The following GRIK4 variants were observed in gnomAD, a reference collection of about 807,000 sequenced individuals.
The protein encoded by GRIK4 is glutamate receptor ionotropic, kainate 4.
In GRIK4, 40 loss-of-function variants were observed where a neutral mutation model predicts 104.9. That is an observed-to-expected ratio of 0.38 (90% CI 0.30 to 0.50). The LOEUF is 0.50. Ranked by LOEUF, GRIK4 falls within the 20% of genes least tolerant of loss-of-function variation. GRIK4 has a pLI of 0.93. For synonymous variants in GRIK4, 485 were observed against 524.9 expected, an observed-to-expected ratio of 0.92 and a Z score of 1.04; for missense variants, 1,047 against 1,308.1, an observed-to-expected ratio of 0.80 and a Z score of 3.08.
At chr11:120,726,038 G>A (rs1418394080) in intron 3 of GRIK4, among the ~76,000 whole-genome samples, 4 of 152,212 alleles carry the variant, frequency 2.6e-5, no homozygotes, top group Non-Finnish European at 5.9e-5. Flanking sequence ...TATACCTAAT[G>A]GTGAGAAAGA....
chr11:120,531,582 C>CTT (rs58143284), intron 1 of GRIK4, among the ~76,000 whole-genome samples: 2,806 of 146,870 alleles, frequency 0.019, 81 homozygotes, highest in African/African-American at 0.065. Flanking sequence ...TTTTCTTTTT[C>CTT]TTTTTTTTTT....
At chr11:120,777,753 A>T (rs961108827) in intron 3 of GRIK4, among the ~76,000 whole-genome samples, 3 of 152,184 alleles carry the variant, frequency 2.0e-5, no homozygotes, top group African/African-American at 4.8e-5. Context: ...CCTGGCCAAC[A>T]TGGTGAAACC....
chr11:120,593,358 C>T (rs1285617570), intron 1 of GRIK4, among the ~76,000 whole-genome samples: 1 of 152,140 alleles, frequency 6.6e-6, no homozygotes, highest in Non-Finnish European at 1.5e-5. Flanking sequence ...CACTCAACAG[C>T]TTGGGGAGGT....
At chr11:120,889,463 A>G (rs897352243) in intron 11 of GRIK4, among the ~76,000 whole-genome samples, 38 of 152,114 alleles carry the variant, frequency 2.5e-4, no homozygotes, top group South Asian at 4.2e-4. Flanking sequence ...CTTTCCTAGT[A>G]AGAACTTCAA....
intron 3 of GRIK4, among the ~76,000 whole-genome samples, chr11:120,755,223 G>T (rs1381072627): frequency 1.3e-5 from 2 of 152,176 alleles, no homozygotes; most frequent in African/African-American, 4.8e-5. Context: ...AGTGTGTGGT[G>T]AGGAGAACAC....
chr11:120,981,660 A>G (rs1389352568), intron 19 of GRIK4, among the ~76,000 whole-genome samples: 1 of 152,244 alleles, frequency 6.6e-6, no homozygotes, highest in Non-Finnish European at 1.5e-5. Flanking sequence ...TTTTCTATCC[A>G]TGGTTTGGTC....
At chr11:120,753,321 G>GTATGTGTA (rs879665407) in intron 3 of GRIK4, among the ~76,000 whole-genome samples, 4 of 112,320 alleles carry the variant, frequency 3.6e-5, no homozygotes, top group African/African-American at 2.2e-4. Flanking sequence ...GTGTGTGTGT[G>GTATGTGTA]TGTGTGTGTG....
intron 3 of GRIK4, among the ~76,000 whole-genome samples, chr11:120,683,913 G>A (rs1031305327): frequency 2.0e-5 from 3 of 152,236 alleles, no homozygotes; most frequent in Non-Finnish European, 2.9e-5. Flanking sequence ...GCTAGAAAAC[G>A]TTATCCCTAG....
At chr11:120,798,995 G>A (rs1316851965) in intron 3 of GRIK4, among the ~76,000 whole-genome samples, 5 of 152,246 alleles carry the variant, frequency 3.3e-5, no homozygotes, top group African/African-American at 7.2e-5. Flanking sequence ...TGCTGGCTCC[G>A]GAGCAGACCC....
intron 14 of GRIK4, among the ~76,000 whole-genome samples, chr11:120,943,146 ACACACCCC>A (rs1283719782): frequency 0.038 from 4,823 of 125,408 alleles, 327 homozygotes; most frequent in African/African-American, 0.17. Context: ...ACACACACAC[ACACACCCC>A]CCTGACTGTT....
intron 3 of GRIK4, among the ~76,000 whole-genome samples, chr11:120,766,742 G>A (rs1202533205): frequency 6.6e-6 from 1 of 151,722 alleles, no homozygotes; most frequent in Non-Finnish European, 1.5e-5. Flanking sequence ...TGGGTGAGAC[G>A]ACACCCCACC....
intron 3 of GRIK4, among the ~76,000 whole-genome samples, chr11:120,747,506 A>C (rs116615560): frequency 6.6e-6 from 1 of 152,210 alleles, no homozygotes; most frequent in Non-Finnish European, 1.5e-5. Context: ...GGATTACCCT[A>C]GATGTAAAGT....
At chr11:120,892,393 G>A (rs1844136084) in intron 11 of GRIK4, among the ~76,000 whole-genome samples, 1 of 152,158 alleles carries the variant, frequency 6.6e-6, no homozygotes, top group Admixed American at 6.5e-5. Flanking sequence ...AGTGACGACT[G>A]GCTGCTGCTG....
chr11:120,641,195 T>C (rs1387791280), intron 1 of GRIK4, among the ~76,000 whole-genome samples: 1 of 152,246 alleles, frequency 6.6e-6, no homozygotes, highest in Non-Finnish European at 1.5e-5. Flanking sequence ...CTGTATTGTA[T>C]TTGAAGACTG....
intron 8 of GRIK4, among the ~76,000 whole-genome samples, chr11:120,844,466 C>G (rs375208060): frequency 4.7e-4 from 72 of 152,308 alleles, no homozygotes; most frequent in African/African-American, 1.7e-3. Flanking sequence ...GATCCAGTGG[C>G]CTCCTACATA....
chr11:120,614,220 G>T (rs1463798713), intron 1 of GRIK4, among the ~76,000 whole-genome samples: 2 of 152,238 alleles, frequency 1.3e-5, no homozygotes, highest in Non-Finnish European at 2.9e-5. Context: ...TATGTGGTTG[G>T]TGGTCCTGGG....
At position 120,956,459 on chromosome 11, in the gene GRIK4, C is replaced by G. The variant is rs1944152830; in HGVS notation, c.1701-321C>G. ...GACTCAAGCAATCCACCCGCCTCGG[C>G]CTCCCAAAGTGCTGGGATTACAGGC... On this transcript the variant is annotated intron_variant, in intron 15 of 20. Transcript: ENST00000527524. The surrounding 1 kb of genome is among the most constrained non-coding windows in gnomAD (Gnocchi z 4.6). 6.6e-6 allele frequency among the ~76,000 whole-genome samples: 1 copy of G among 152,158 alleles called. No individual in the cohort carries two copies. Among genetic ancestry groups the G allele is most frequent in the South Asian group, 2.1e-4 (1 of 4,830 alleles).
At chr11:120,703,798 C>T (rs1233340934) in intron 3 of GRIK4, among the ~76,000 whole-genome samples, 1 of 152,146 alleles carries the variant, frequency 6.6e-6, no homozygotes, top group East Asian at 1.9e-4. Context: ...TTCTGAATCT[C>T]TTTATAAACT....
At chr11:120,622,224 A>G (rs1412694886) in intron 1 of GRIK4, among the ~76,000 whole-genome samples, 1 of 152,116 alleles carries the variant, frequency 6.6e-6, no homozygotes, top group East Asian at 1.9e-4. Flanking sequence ...TAACTGTGAC[A>G]AATGTGCAAC....
Sources: allele counts gnomAD v4.1 joint callset (sites outside exome capture counted in the v4.1 genomes callset), GRCh38; gene constraint gnomAD v4.1.1; non-coding constraint Gnocchi (gnomAD v3.1); transcripts MANE v1.5; gene names NCBI Gene and HGNC (gene_info 2026-07-23, HGNC 2026-07-21).